Variants in NR1H4 observed in about 807,000 individuals in gnomAD.
The protein encoded by NR1H4 is bile acid receptor.
In NR1H4, 23 loss-of-function variants were observed where a neutral mutation model predicts 58.5. The ratio of observed to expected loss-of-function variants is 0.39; its 90% CI spans 0.28 to 0.56. NR1H4 has a LOEUF of 0.56. Among genes scored for constraint, NR1H4 ranks in the 20% least tolerant of loss-of-function variants. The pLI is 0.58. For missense variants in NR1H4, 487 were observed against 576.9 expected, an observed-to-expected ratio of 0.84 and a Z score of 1.60; for synonymous variants, 214 against 198.0, an observed-to-expected ratio of 1.08 and a Z score of -0.68.
intron 2 of NR1H4, among the ~76,000 whole-genome samples, chr12:100,493,047 T>C (rs1040377800): frequency 2.0e-5 from 3 of 152,124 alleles, no homozygotes; most frequent in African/African-American, 7.2e-5. Flanking sequence ...TTCAGATAAA[T>C]TAGTATCTTT....
At chr12:100,551,491 A>T (rs150662841) in intron 9 of NR1H4, among the ~76,000 whole-genome samples, 1,681 of 152,344 alleles carry the variant, frequency 0.011, 26 homozygotes, top group African/African-American at 0.035. Context: ...AGAAGGGTAA[A>T]TGCTTTAGTT....
chr12:100,562,103 T>C (rs954589524), intron 10 of NR1H4, 105 bp downstream of exon 10: 3 of 663,078 alleles, frequency 4.5e-6, no homozygotes, highest in Non-Finnish European at 8.0e-6. Context: ...AAAGAAAAAG[T>C]AAAGTAGCCT....
At chr12:100,484,648 T>C (rs1953452121) in intron 1 of NR1H4, among the ~76,000 whole-genome samples, 1 of 152,150 alleles carries the variant, frequency 6.6e-6, no homozygotes, top group African/African-American at 2.4e-5. Context: ...TGTACACAAG[T>C]TCCTTCCTTC....
At chr12:100,529,290 C>T (rs1954635531) in intron 4 of NR1H4, among the ~76,000 whole-genome samples, 1 of 152,178 alleles carries the variant, frequency 6.6e-6, no homozygotes, top group South Asian at 2.1e-4. Flanking sequence ...CCTTTCTCTT[C>T]TGTCCCACTT....
chr12:100,482,776 A>G (rs2136076898), intron 1 of NR1H4, among the ~76,000 whole-genome samples: 1 of 152,336 alleles, frequency 6.6e-6, no homozygotes, highest in African/African-American at 2.4e-5. Flanking sequence ...ATTCACTTCC[A>G]GGTTCCTGGT....
chr12:100,548,370 TAAA>T (rs11304340), intron 9 of NR1H4, among the ~76,000 whole-genome samples: 19 of 137,618 alleles, frequency 1.4e-4, no homozygotes, highest in African/African-American at 2.6e-4. Context: ...CCATCTCAAT[TAAA>T]AAAAAAAAAA....
Position 100,534,969 on chromosome 12 carries a change from A to G in NR1H4, c.678A>G (p.Glu226=), listed in dbSNP as rs1954781490. The G allele has an allele frequency of 6.2e-7, 1 of 1,614,128 alleles. No individual in the cohort carries two copies. The highest frequency in any genetic ancestry group is 1.3e-5 in the African/African-American group (1 of 74,946). The change falls in exon 6 of 11, where the codon GAA becomes GAG. Residue 226 remains glutamate (E), a synonymous_variant. Coordinates refer to ENST00000392986, the MANE Select transcript of NR1H4 (RefSeq NM_001206979.2). The stretch of plus-strand genomic sequence containing the variant: ...AGCATGCAGATCAGACCGTGAATGA[A>G]GACAGTGAAGGTCGTGACTTGCGAC... The part of the protein sequence containing the change: ...VKQHADQTVN[E]DSEGRDLRQV...
At chr12:100,529,006 C>T (rs1276408961) in intron 4 of NR1H4, among the ~76,000 whole-genome samples, 2 of 152,110 alleles carry the variant, frequency 1.3e-5, no homozygotes, top group East Asian at 3.9e-4. Context: ...AAGAAAAAGT[C>T]CTCTTTTTGC....
intron 9 of NR1H4, among the ~76,000 whole-genome samples, chr12:100,545,651 A>C (rs1464626993): frequency 6.9e-6 from 1 of 145,822 alleles, no homozygotes; most frequent in Non-Finnish European, 1.5e-5. Context: ...CAAAAAAAAA[A>C]AAAAAAAAAA....
Position 100,553,021 on chromosome 12 carries a change from C to T in NR1H4, c.1079-8864C>T, listed in dbSNP as rs1042916694. Reference sequence around the variant, plus strand: ...TCCCACTCTTCTTTTTTTTTTGAGACGGAGTCTCGCTCTGTCACCCAGGCT... The same window carrying T: ...TCCCACTCTTCTTTTTTTTTTGAGATGGAGTCTCGCTCTGTCACCCAGGCT... On this transcript the variant is annotated intron_variant, in intron 9 of 10. Coordinates refer to ENST00000392986, the MANE Select transcript of NR1H4 (RefSeq NM_001206979.2). 7.3e-5 allele frequency among the ~76,000 whole-genome samples: 11 copies of T among 150,934 alleles called. No individual in the cohort carries two copies. In the South Asian group the frequency reaches 8.4e-4, roughly 11 times the overall value.
At chr12:100,474,363 C>T (rs957100173) in intron 1 of NR1H4, among the ~76,000 whole-genome samples, 1 of 152,152 alleles carries the variant, frequency 6.6e-6, no homozygotes, top group African/African-American at 2.4e-5. Context: ...GAAATGTCTC[C>T]GTTCTGATTC....
At chr12:100,504,849 A>C (rs998883778) in intron 3 of NR1H4, among the ~76,000 whole-genome samples, 7 of 152,208 alleles carry the variant, frequency 4.6e-5, no homozygotes, top group Non-Finnish European at 7.3e-5. Flanking sequence ...TAAGCCTGTA[A>C]ACAAAAGAAA....
intron 8 of NR1H4, 96 bp from the exon 9 acceptor site, chr12:100,540,576 A>C: frequency 7.3e-7 from 1 of 1,367,762 alleles, no homozygotes; most frequent in African/African-American, 1.4e-5. Flanking sequence ...AAACAACTAC[A>C]GAATCACTTG....
intron 6 of NR1H4, among the ~76,000 whole-genome samples, chr12:100,535,380 A>G (rs1042402039): frequency 1.3e-5 from 2 of 152,206 alleles, no homozygotes; most frequent in Non-Finnish European, 2.9e-5. Flanking sequence ...CATGGTCTCA[A>G]TAGAGGCTGT....
intron 4 of NR1H4, among the ~76,000 whole-genome samples, chr12:100,515,058 G>A (rs1447363341): frequency 4.0e-5 from 6 of 151,300 alleles, no homozygotes; most frequent in South Asian, 2.1e-4. Context: ...TTCTCTCTTC[G>A]AAGAATTGAT....
At chr12:100,537,707 TTTTTGTTTTTG>T (rs943607779) in intron 8 of NR1H4, among the ~76,000 whole-genome samples, 2 of 152,162 alleles carry the variant, frequency 1.3e-5, no homozygotes, top group Non-Finnish European at 2.9e-5. Flanking sequence ...TCTGCTTGTT[TTTTTGTTTTTG>T]TTTTGTTTTG....
At position 100,494,616 on chromosome 12, in the gene NR1H4, A is replaced by G. The variant is rs567436755; in HGVS notation, c.79+1214A>G. ...GCATCTTATTTCTTCCAGTTGGCTT[A>G]TCTTCATCCTGTAGATGCAGTCAAG... is the stretch of plus-strand genomic sequence containing the variant. On this transcript the variant is annotated intron_variant, in intron 3 of 10. Coordinates refer to ENST00000392986, the MANE Select transcript of NR1H4 (RefSeq NM_001206979.2). 1.6e-4 allele frequency among the ~76,000 whole-genome samples: 25 copies of G among 152,352 alleles called. No individual in the cohort carries two copies. The South Asian group carries it at 5.0e-3, about 30-fold the overall frequency.
intron 4 of NR1H4, among the ~76,000 whole-genome samples, chr12:100,514,764 TA>T (rs1477801820): frequency 6.6e-6 from 1 of 152,202 alleles, no homozygotes; most frequent in Admixed American, 6.5e-5. Flanking sequence ...AAATTGCTTT[TA>T]ATGAATTACT....
intron 9 of NR1H4, among the ~76,000 whole-genome samples, chr12:100,543,045 T>A (rs183610908): frequency 6.6e-6 from 1 of 152,128 alleles, no homozygotes; most frequent in African/African-American, 2.4e-5. Flanking sequence ...TGACTCCTAG[T>A]TGAGAGAGCT....
Sources: allele counts gnomAD v4.1 joint callset (sites outside exome capture counted in the v4.1 genomes callset), GRCh38; gene constraint gnomAD v4.1.1; transcripts MANE v1.5; gene names NCBI Gene and HGNC (gene_info 2026-07-23, HGNC 2026-07-21).